The following DCC variants were observed in gnomAD, a reference collection of about 807,000 sequenced individuals.
DCC encodes the protein DCC netrin 1 receptor, also known as netrin receptor DCC.
DCC carries 58 observed loss-of-function variants against 172.5 expected under a neutral mutation model. The ratio of observed to expected loss-of-function variants is 0.34; its 90% confidence interval spans 0.27 to 0.42. DCC has a LOEUF of 0.42. DCC is among the 10% of genes least tolerant of loss of function. The probability of loss-of-function intolerance (pLI) is 1.00; values close to 1 mark genes in which losing one functional copy is unlikely to be tolerated. For missense variants in DCC, 1,740 were observed against 1,791.0 expected (o/e 0.97, Z 0.51); for synonymous variants, 709 against 644.5 (o/e 1.10, Z -1.52).
intron 7 of DCC, among the ~76,000 whole-genome samples, chr18:53,129,066 T>C (rs2043613474): frequency 6.6e-6 from 1 of 151,776 alleles, no homozygotes; most frequent in Non-Finnish European, 1.5e-5. Context: ...TTTGTGTTTT[T>C]AGTGGAGATG....
intron 1 of DCC, among the ~76,000 whole-genome samples, chr18:52,387,343 A>G (rs1985840354): frequency 6.6e-6 from 1 of 152,130 alleles, no homozygotes; most frequent in African/African-American, 2.4e-5. Flanking sequence ...GAGAAGAAAA[A>G]AATTGGTAAA....
chr18:53,107,670 C>T (rs987963016), intron 7 of DCC, among the ~76,000 whole-genome samples: 1 of 151,638 alleles, frequency 6.6e-6, no homozygotes, highest in Non-Finnish European at 1.5e-5. Context: ...TTAAACTGTT[C>T]ATAGGTGACC....
chr18:53,512,645 G>C (rs967691797), intron 27 of DCC, among the ~76,000 whole-genome samples: 4 of 151,958 alleles, frequency 2.6e-5, no homozygotes, highest in Admixed American at 6.6e-5. Context: ...AACCAAGGCT[G>C]GAGAACTATG....
At chr18:53,472,067 C>T (rs1165426514) in intron 25 of DCC, among the ~76,000 whole-genome samples, 2 of 152,156 alleles carry the variant, frequency 1.3e-5, no homozygotes, top group African/African-American at 4.8e-5. Flanking sequence ...TTTATTTTTA[C>T]TTACCATATG....
chr18:52,876,290 A>C (rs1299354710), intron 2 of DCC, among the ~76,000 whole-genome samples: 1 of 152,196 alleles, frequency 6.6e-6, no homozygotes, highest in Non-Finnish European at 1.5e-5. Flanking sequence ...AGCTTTTTCC[A>C]GATTCCACTT....
intron 21 of DCC, among the ~76,000 whole-genome samples, chr18:53,420,549 G>A (rs1442349287): frequency 1.3e-5 from 2 of 152,202 alleles, no homozygotes; most frequent in African/African-American, 2.4e-5. Context: ...TCAAGGTTCA[G>A]TGTGGTCAGT....
intron 1 of DCC, among the ~76,000 whole-genome samples, chr18:52,384,963 T>G (rs1298829706): frequency 1.3e-5 from 2 of 152,140 alleles, no homozygotes; most frequent in South Asian, 2.1e-4. Context: ...TAATGGGTTC[T>G]TCAAATAATT....
At chr18:52,648,422 T>C (rs950131688) in intron 1 of DCC, among the ~76,000 whole-genome samples, 7 of 152,204 alleles carry the variant, frequency 4.6e-5, no homozygotes, top group African/African-American at 1.7e-4. Flanking sequence ...GGGCACACTT[T>C]GGTTTGGTTA....
intron 5 of DCC, among the ~76,000 whole-genome samples, chr18:52,967,017 C>T (rs1292373761): frequency 2.0e-5 from 3 of 152,132 alleles, no homozygotes; most frequent in Non-Finnish European, 4.4e-5. Context: ...TTGGCTCACC[C>T]TATACTAATG....
intron 15 of DCC, among the ~76,000 whole-genome samples, chr18:53,378,528 T>A (rs1169062138): frequency 6.6e-6 from 1 of 152,218 alleles, no homozygotes; most frequent in Non-Finnish European, 1.5e-5. Context: ...GGTATCAGTA[T>A]GTGCAGTTTA....
chr18:53,120,111 C>T (rs1354686300), intron 7 of DCC, among the ~76,000 whole-genome samples: 1 of 151,654 alleles, frequency 6.6e-6, no homozygotes, highest in Non-Finnish European at 1.5e-5. Context: ...TGAATATGTT[C>T]TTCAAATTCT....
chr18:52,850,812 T>G (rs989212981), intron 2 of DCC, among the ~76,000 whole-genome samples: 1 of 152,094 alleles, frequency 6.6e-6, no homozygotes, highest in African/African-American at 2.4e-5. Context: ...AAATCATATT[T>G]AGGGTCAGAT....
intron 12 of DCC, among the ~76,000 whole-genome samples, chr18:53,229,055 CA>C (rs2056083428): frequency 6.6e-6 from 1 of 152,084 alleles, no homozygotes; most frequent in Non-Finnish European, 1.5e-5. Context: ...ACTTCTGATT[CA>C]GTAGGTCTTT....
Position 52,752,113 on chromosome 18 carries a change from A to G in DCC, c.151A>G (p.Thr51Ala), listed in dbSNP as rs190581937. The change falls in exon 2 of 29, where the codon ACA becomes GCA. Residue 51 changes from threonine (T) to alanine (A), a missense_variant. Transcript: ENST00000442544. ...CCTCTCAGAACCTTCTGATGCCGTC[A>G]CAATGCGGGGAGGAAATGTCCTCCT... ...RFLSEPSDAVTMRGGNVLLDC... is the reference protein window; with the variant it reads ...RFLSEPSDAVAMRGGNVLLDC... The G allele has an allele frequency of 1.4e-5, 22 of 1,614,174 alleles. No individual in the cohort carries two copies. The East Asian group carries it at 4.9e-4, about 36-fold the overall frequency.
rs374104103 is a variant in DCC, at chr18:52,571,038, T to C, written c.92-181016T>C. Among the ~76,000 whole-genome samples the C allele has an allele frequency of 2.0e-5, 3 of 152,330 alleles. No individual in the cohort carries two copies. In the East Asian group the frequency reaches 5.8e-4, roughly 29 times the overall value. Reference sequence around the variant, plus strand: ...TTGAAATGCACATTCTTTCCTTCTTTTATTGACTTTTGACTCTGTTTTTAT... The same window carrying C: ...TTGAAATGCACATTCTTTCCTTCTTCTATTGACTTTTGACTCTGTTTTTAT... On this transcript the variant is annotated intron_variant, in intron 1 of 28. Coordinates refer to ENST00000442544, the MANE Select transcript of DCC (RefSeq NM_005215.4).
intron 5 of DCC, among the ~76,000 whole-genome samples, chr18:53,056,678 A>G (rs1358058705): frequency 6.6e-6 from 1 of 152,124 alleles, no homozygotes; most frequent in African/African-American, 2.4e-5. Context: ...TATTTCAACA[A>G]AAATGAACAA....
chr18:52,675,243 G>C (rs9955368), intron 1 of DCC, among the ~76,000 whole-genome samples: 79,509 of 151,844 alleles, frequency 0.52, 21,142 homozygotes, highest in African/African-American at 0.58. Flanking sequence ...ATTTTTAGTA[G>C]AGACTAAAAT....
chr18:52,885,226 T>A (rs1175150378), intron 2 of DCC, among the ~76,000 whole-genome samples: 2 of 152,174 alleles, frequency 1.3e-5, no homozygotes, highest in East Asian at 3.9e-4. Flanking sequence ...CAGTCATGTT[T>A]GTTCTCCTCC....
chr18:53,295,452 A>G (rs2057055385), intron 12 of DCC, among the ~76,000 whole-genome samples: 1 of 152,192 alleles, frequency 6.6e-6, no homozygotes, highest in African/African-American at 2.4e-5. Flanking sequence ...ACAAATACAC[A>G]TAATAGAATT....
Sources: allele counts gnomAD v4.1 joint callset (sites outside exome capture counted in the v4.1 genomes callset), GRCh38; gene constraint gnomAD v4.1.1; transcripts MANE v1.5; gene names NCBI Gene and HGNC (gene_info 2026-07-23, HGNC 2026-07-21).